Variants in TTC7A observed in about 807,000 individuals in gnomAD.
TTC7A encodes the protein tetratricopeptide repeat protein 7A.
In TTC7A, 110 loss-of-function variants were observed where a neutral mutation model predicts 103.7. That is an observed-to-expected ratio of 1.06 (90% CI 0.91 to 1.24). TTC7A has a LOEUF of 1.24. TTC7A is among the 50% of genes most tolerant of loss of function. TTC7A has a pLI of 0.00. For synonymous variants in TTC7A, 521 were observed against 467.9 expected, an observed-to-expected ratio of 1.11 and a Z score of -1.47; for missense variants, 1,340 against 1,116.3, an observed-to-expected ratio of 1.20 and a Z score of -2.86.
intron 1 of TTC7A, chr2:46,917,051 G>T: frequency 1.7e-6 from 1 of 592,548 alleles, no homozygotes; most frequent in Non-Finnish European, 3.0e-6. Flanking sequence ...GTAGTTAGAT[G>T]CCTTGAAAGT....
intron 11 of TTC7A, among the ~76,000 whole-genome samples, chr2:47,020,928 C>A (rs1679216615): frequency 1.3e-5 from 2 of 152,246 alleles, no homozygotes; most frequent in Admixed American, 1.3e-4. Context: ...GGGTTTGAAT[C>A]TCATTCCCTG....
chr2:47,030,483 G>A (rs996840092), intron 15 of TTC7A, among the ~76,000 whole-genome samples: 3 of 152,180 alleles, frequency 2.0e-5, no homozygotes, highest in African/African-American at 7.2e-5. Flanking sequence ...TTGCCAGCGT[G>A]CCGAGCACTG....
At chr2:47,044,064 C>T (rs1573009357) in intron 15 of TTC7A, among the ~76,000 whole-genome samples, 2 of 152,288 alleles carry the variant, frequency 1.3e-5, no homozygotes, top group African/African-American at 4.8e-5. Context: ...CAGCCCAGCC[C>T]AGGGGACTTG....
chr2:47,058,845 C>T (rs149170705), intron 18 of TTC7A, among the ~76,000 whole-genome samples: 139 of 152,056 alleles, frequency 9.1e-4, no homozygotes, highest in Middle Eastern at 6.8e-3. Context: ...GAAACTGCCC[C>T]ATTTCCTACT....
At chr2:46,939,000 G>C (rs1325925188), upstream of TTC7A, among the ~76,000 whole-genome samples, 2 of 145,038 alleles carry the variant, frequency 1.4e-5, no homozygotes, top group Non-Finnish European at 3.0e-5. Flanking sequence ...AACAGAGCGA[G>C]ACTCTGTCTC....
At chr2:47,042,702 G>GTGTGTGTATATATATA (rs111460716) in intron 15 of TTC7A, among the ~76,000 whole-genome samples, 3 of 142,636 alleles carry the variant, frequency 2.1e-5, no homozygotes, top group Non-Finnish European at 4.6e-5. Context: ...GTGTGTGTGT[G>GTGTGTGTATATATATA]TATATATATG....
At chr2:46,915,873 C>T, upstream of TTC7A, 2 of 983,542 alleles carry the variant, frequency 2.0e-6, no homozygotes, top group Non-Finnish European at 2.4e-6. Context: ...CCCATTGGCG[C>T]CGCCGGGCCC....
intron 5 of TTC7A, among the ~76,000 whole-genome samples, chr2:46,990,360 G>T (rs1009027186): frequency 6.6e-6 from 1 of 152,148 alleles, no homozygotes; most frequent in Non-Finnish European, 1.5e-5. Context: ...AGCTTCTTGT[G>T]GGGGGCCCGG....
At chr2:47,030,170 G>T (rs2104596901) in intron 15 of TTC7A, among the ~76,000 whole-genome samples, 1 of 152,358 alleles carries the variant, frequency 6.6e-6, no homozygotes, top group African/African-American at 2.4e-5. Context: ...AGGGTCTGAA[G>T]GAAGGCAATT....
At chr2:46,995,071 G>C in intron 7 of TTC7A, 65 bp from the exon 8 acceptor site, 1 of 1,516,946 alleles carries the variant, frequency 6.6e-7, no homozygotes, top group Non-Finnish European at 9.1e-7. Context: ...GGCTGGCATG[G>C]TGGGTCAGTG....
At chr2:47,047,271 T>G in intron 16 of TTC7A, 1 of 1,547,462 alleles carries the variant, frequency 6.5e-7, no homozygotes, top group Non-Finnish European at 8.7e-7. Flanking sequence ...CACAGAGACT[T>G]TAGGAGCCCA....
intron 3 of TTC7A, among the ~76,000 whole-genome samples, chr2:46,968,659 C>G (rs779408853): frequency 3.3e-5 from 5 of 152,146 alleles, no homozygotes; most frequent in African/African-American, 1.2e-4. Flanking sequence ...TATAGAGGAC[C>G]GCCTCCGTGA....
chr2:47,051,349 T>C (rs1003499832), intron 17 of TTC7A, among the ~76,000 whole-genome samples: 1 of 152,242 alleles, frequency 6.6e-6, no homozygotes, highest in Non-Finnish European at 1.5e-5. Flanking sequence ...TACATTGATA[T>C]CTGTATTTGT....
chr2:46,952,118 A>G (rs1035505700), intron 2 of TTC7A, among the ~76,000 whole-genome samples: 3 of 152,116 alleles, frequency 2.0e-5, no homozygotes, highest in African/African-American at 7.2e-5. Context: ...TAAGGGAGGG[A>G]AAGGCCAGGG....
rs1237674131 is a variant in TTC7A, at chr2:47,051,731, C to G, written c.2018-15C>G. Reference sequence around the variant, plus strand: ...CCTCTGACCACTGCTCGGCTCGTGCCCTCTTGCTCTGCAGGCTCCCGGCGG... The same window carrying G: ...CCTCTGACCACTGCTCGGCTCGTGCGCTCTTGCTCTGCAGGCTCCCGGCGG... On this transcript the variant is annotated splice_polypyrimidine_tract_variant and intron_variant, in intron 17 of 19. Transcript: ENST00000319190. The G allele has an allele frequency of 6.2e-7, 1 of 1,605,350 alleles. No individual in the cohort carries two copies. Among genetic ancestry groups the G allele is most frequent in the Non-Finnish European group, 8.5e-7 (1 of 1,175,890 alleles).
chr2:47,000,947 T>C (rs1163238001), intron 8 of TTC7A, among the ~76,000 whole-genome samples: 1 of 152,100 alleles, frequency 6.6e-6, no homozygotes, highest in Admixed American at 6.5e-5. Context: ...ATGGCACGGA[T>C]GAGGCTATTG....
chr2:46,985,616 GT>G (rs1674937072), intron 5 of TTC7A, among the ~76,000 whole-genome samples: 1 of 152,220 alleles, frequency 6.6e-6, no homozygotes, highest in Non-Finnish European at 1.5e-5. Flanking sequence ...GAAAGGAGAG[GT>G]TAAGTAACTT....
Position 47,016,399 on chromosome 2 carries a change from C to T in TTC7A, c.1392+4964C>T, listed in dbSNP as rs761236448. On this transcript the variant is annotated intron_variant, in intron 11 of 19. Transcript: ENST00000319190. Reference sequence around the variant, plus strand: ...TGGATAGGTCGCTTCAGCTCAGCTCCCTGTGCCCTCAGCGCCTTCTGCTGT... The same window carrying T: ...TGGATAGGTCGCTTCAGCTCAGCTCTCTGTGCCCTCAGCGCCTTCTGCTGT... 1.2e-3 allele frequency among the ~76,000 whole-genome samples: 189 copies of T among 152,330 alleles called. 1 individual carries two copies. Among genetic ancestry groups the T allele is most frequent in the East Asian group, 7.7e-4 (4 of 5,182 alleles).
At chr2:47,005,861 G>A (rs568577508) in intron 8 of TTC7A, 61 bp from the exon 9 acceptor site, 32 of 1,595,424 alleles carry the variant, frequency 2.0e-5, no homozygotes, top group Middle Eastern at 1.7e-4. Flanking sequence ...GGGGCCCTGC[G>A]AAGACAGACA....
Sources: gnomAD v4.1 joint callset for allele counts (sites outside exome capture counted in the v4.1 genomes callset) on GRCh38, gnomAD v4.1.1 for gene constraint, MANE v1.5 for transcripts, NCBI Gene and HGNC (gene_info 2026-07-23, HGNC 2026-07-21) for gene names.